The following LPIN1 variants were observed in gnomAD, a reference collection of about 807,000 sequenced individuals.
The protein encoded by LPIN1 is lipin 1, also known as phosphatidate phosphatase LPIN1.
A neutral mutation model predicts 107.5 loss-of-function variants in LPIN1; 71 were observed. The observed-to-expected ratio is 0.66, with a 90% CI of 0.55 to 0.80. The LOEUF (loss-of-function observed/expected upper bound fraction) is 0.80, where lower values mean the gene tolerates loss of function less well. Among genes scored for constraint, LPIN1 ranks in the 30% least tolerant of loss-of-function variants. The pLI, the probability that LPIN1 is intolerant of heterozygous loss-of-function variation, is 0.00. For synonymous variants in LPIN1, 445 were observed against 452.6 expected (o/e 0.98, Z 0.21); for missense variants, 1,043 against 1,160.6 (o/e 0.90, Z 1.47).
chr2:11,782,572 AG>A (rs1673767681), intron 8 of LPIN1, 65 bp downstream of exon 8: 8 of 1,585,470 alleles, frequency 5.0e-6, no homozygotes, highest in Non-Finnish European at 6.9e-6. Flanking sequence ...TACACATGAC[AG>A]GTCCTTTCCA....
At chr2:11,713,816 A>G (rs1663557147) in intron 2 of LPIN1, 3 of 1,509,654 alleles carry the variant, frequency 2.0e-6, no homozygotes, top group African/African-American at 2.7e-5. Flanking sequence ...CATTAACGTG[A>G]GTGCCGCTGT....
At chr2:11,730,967 G>A (rs1271131705) in intron 1 of LPIN1, among the ~76,000 whole-genome samples, 1 of 152,192 alleles carries the variant, frequency 6.6e-6, no homozygotes, top group Admixed American at 6.5e-5. Flanking sequence ...CTGCTGTGCT[G>A]ATTAAGACGC....
chr2:11,775,620 A>C (rs1429898909), intron 5 of LPIN1, among the ~76,000 whole-genome samples: 1 of 152,142 alleles, frequency 6.6e-6, no homozygotes, highest in Non-Finnish European at 1.5e-5. Flanking sequence ...TTGATTAAGC[A>C]CGAAAGTGTG....
At chr2:11,678,626 T>C (rs1661550218) in intron 1 of LPIN1, among the ~76,000 whole-genome samples, 1 of 152,182 alleles carries the variant, frequency 6.6e-6, no homozygotes, top group Admixed American at 6.5e-5. Flanking sequence ...CCCAAGCACT[T>C]GTCGCCTGTC....
In LPIN1 at chr2:11,746,689, C is replaced by G; in HGVS notation, c.-10+18C>G. On this transcript the variant is annotated intron_variant, in intron 1 of 20. Transcript: ENST00000674199. ...GCCGCTCGGTGAGTAGCCGCCGCCT[C>G]CAGCCTCCCGCTGTGGAGCAGGGGC... 1 of 983,130 alleles carries G rather than the reference C, an allele frequency of 1.0e-6. No homozygotes were observed. The allele number at this position is 983,130 out of a possible 1,614,324, so 60.9% of individuals were successfully genotyped here. A position where few individuals can be genotyped will look rare whatever the true frequency, so the allele number is the denominator to read the frequency against.
intron 8 of LPIN1, 83 bp from the exon 9 acceptor site, chr2:11,783,746 T>A: frequency 8.7e-7 from 1 of 1,155,752 alleles, no homozygotes; most frequent in Non-Finnish European, 1.3e-6. Context: ...CACATAGTGT[T>A]TAAATGCTGT....
intron 13 of LPIN1, among the ~76,000 whole-genome samples, chr2:11,792,641 C>A (rs574484695): frequency 6.6e-6 from 1 of 152,086 alleles, no homozygotes; most frequent in Non-Finnish European, 1.5e-5. Context: ...CCTAGGCCTC[C>A]GAAAGTGTTG....
upstream of LPIN1, among the ~76,000 whole-genome samples, chr2:11,743,247 C>T (rs1013559095): frequency 1.3e-5 from 2 of 152,248 alleles, no homozygotes; most frequent in African/African-American, 4.8e-5. This position sits in a 1 kb window ranked among gnomAD's most constrained non-coding sequence, Gnocchi z 4.7. Context: ...TGTGCCTCAA[C>T]TCTAATCTGC....
chr2:11,723,076 C>T (rs1664269977), upstream of LPIN1, among the ~76,000 whole-genome samples: 2 of 152,162 alleles, frequency 1.3e-5, no homozygotes, highest in African/African-American at 4.8e-5. Flanking sequence ...GAAAAAAAAT[C>T]TCTTCCCTGT....
intron 1 of LPIN1, among the ~76,000 whole-genome samples, chr2:11,706,828 A>C (rs913217970): frequency 6.6e-6 from 1 of 152,292 alleles, no homozygotes; most frequent in Non-Finnish European, 1.5e-5. Flanking sequence ...TAACTAAAAG[A>C]TGTTTCTAGG....
At position 11,782,292 on chromosome 2, in the gene LPIN1, C is replaced by A; in HGVS notation, c.1049C>A (p.Ser350Tyr). 1 of 1,614,224 alleles carries A rather than the reference C, an allele frequency of 6.2e-7. No individual in the cohort carries two copies. Among genetic ancestry groups the A allele is most frequent in the Non-Finnish European group, 8.5e-7 (1 of 1,180,042 alleles). Residue 350 changes from serine to tyrosine, a missense_variant, in exon 8 of 21, where the codon TCT becomes TAT. Physicochemically the swap from Ser to Tyr is moderately radical, Grantham distance 144. Coordinates refer to ENST00000674199, the MANE Select transcript of LPIN1 (RefSeq NM_001349206.2). ...CACTTTCAGGCCATTCACAGCGAAT[C>A]TTCAGACACTTTTAGTGACCAATCG... ...KSHFQAIHSE[S>Y]SDTFSDQSPT... is the part of the protein sequence containing the mutation.
chr2:11,767,551 C>G lies in LPIN1; in HGVS notation c.193-212C>G, dbSNP rs750204723. On this transcript the variant is annotated intron_variant, in intron 2 of 20. Transcript: ENST00000674199. The stretch of plus-strand genomic sequence containing the variant: ...CGTACTGTTTTGGGTTCCATCTTTC[C>G]TGGTCAGGGACCTGCCCTCCCGAAC... 11 of 596,900 alleles carry G rather than the reference C, an allele frequency of 1.8e-5. No homozygotes were observed. The South Asian group carries it at 2.2e-4, about 12-fold the overall frequency. The allele number at this position is 596,900 out of a possible 1,614,324, so 37.0% of individuals were successfully genotyped here.
chr2:11,752,757 ATCT>A (rs749696030), intron 1 of LPIN1, among the ~76,000 whole-genome samples: 69 of 152,248 alleles, frequency 4.5e-4, no homozygotes, highest in Middle Eastern at 6.8e-3. Flanking sequence ...ACTGACCTTA[ATCT>A]TCTAGAGGTG....
rs1178449677 is a variant in LPIN1 at position 11,803,780 on chromosome 2, G to C, written c.2014-643G>C. 6.6e-6 allele frequency among the ~76,000 whole-genome samples: 1 copy of C among 152,230 alleles called. No homozygotes were observed. The highest frequency in any genetic ancestry group is 1.9e-4 in the East Asian group (1 of 5,182). On this transcript the variant is annotated intron_variant, in intron 15 of 20. Transcript: ENST00000674199. This position sits in a 1 kb window ranked among gnomAD's most constrained non-coding sequence, Gnocchi z 4.2. ...GACACCTGCAGTCAGGCAGCCTGGG[G>C]GTCTGAATGGCCAGCTGGTGTGCAC...
In LPIN1 at chr2:11,787,067, G is replaced by T. The variant is rs748510400; in HGVS notation, c.1550-7G>T. On this transcript the variant is annotated splice_region_variant and splice_polypyrimidine_tract_variant and intron_variant, in intron 10 of 20. Transcript: ENST00000674199. ...TTTTCCCTGATCCTCTGCAATTGCT[G>T]TCACAGATGCATTCCTGGAGCAAGC... 6.2e-7 allele frequency: 1 copy of T among 1,603,926 alleles called. No homozygotes were observed. Among genetic ancestry groups the T allele is most frequent in the Non-Finnish European group, 8.5e-7 (1 of 1,170,756 alleles).
In LPIN1 at chr2:11,697,761, A is replaced by G. The variant is rs1392180706; in HGVS notation, c.82-15995A>G. On this transcript the variant is annotated intron_variant, in intron 1 of 21. Transcript: ENST00000449576. The surrounding 1 kb of genome is among the most constrained non-coding windows in gnomAD (Gnocchi z 4.6). ...GTGTGAGTGCTGGCAGAGTCTGGGT[A>G]CCAAATGCCCCGGGCCTTGTGTCCT... Among the ~76,000 whole-genome samples the G allele has an allele frequency of 6.6e-6, 1 of 152,104 alleles. No individual in the cohort carries two copies. Among genetic ancestry groups the G allele is most frequent in the East Asian group, 1.9e-4 (1 of 5,186 alleles).
chr2:11,701,705 A>G (rs993475178), intron 1 of LPIN1, among the ~76,000 whole-genome samples: 1 of 152,222 alleles, frequency 6.6e-6, no homozygotes, highest in Non-Finnish European at 1.5e-5. Context: ...TGTGAAGCAA[A>G]GAAAAGTTAA....
chr2:11,789,871 G>A (rs1266019636), intron 12 of LPIN1, among the ~76,000 whole-genome samples: 2 of 152,230 alleles, frequency 1.3e-5, no homozygotes, highest in Non-Finnish European at 1.5e-5. Flanking sequence ...CTTGTGATAT[G>A]CATGCTAAAT....
intron 1 of LPIN1, among the ~76,000 whole-genome samples, chr2:11,702,083 C>T (rs551712795): frequency 1.3e-5 from 2 of 152,046 alleles, no homozygotes; most frequent in African/African-American, 4.8e-5. Context: ...ATGACTTTCA[C>T]GAAGGAGGAA....
Sources: gnomAD v4.1 joint callset for allele counts (sites outside exome capture counted in the v4.1 genomes callset) on GRCh38, gnomAD v4.1.1 for gene constraint, Gnocchi (gnomAD v3.1) non-coding constraint, MANE v1.5 for transcripts, NCBI Gene and HGNC (gene_info 2026-07-23, HGNC 2026-07-21) for gene names.